COL25A1: variants seen among roughly 807,000 people sequenced by gnomAD.
The protein encoded by COL25A1 is collagen alpha-1(XXV) chain.
In COL25A1, 103 loss-of-function variants were observed where a neutral mutation model predicts 128.4. That is an observed-to-expected ratio of 0.80 (90% CI 0.68 to 0.94). The LOEUF is 0.94. Among genes scored for constraint, COL25A1 ranks in the 40% least tolerant of loss-of-function variants. COL25A1 has a pLI of 0.00. For synonymous variants in COL25A1, 279 were observed against 277.2 expected (o/e 1.01, Z -0.06); for missense variants, 745 against 840.0 (o/e 0.89, Z 1.40).
At chr4:109,064,373 C>A (rs1354942014) in intron 3 of COL25A1, among the ~76,000 whole-genome samples, 1 of 152,160 alleles carries the variant, frequency 6.6e-6, no homozygotes, top group Non-Finnish European at 1.5e-5. Context: ...CCATAGTATG[C>A]AAGTTTAGTT....
At chr4:108,864,562 G>A (rs566268388) in intron 20 of COL25A1, among the ~76,000 whole-genome samples, 1 of 152,302 alleles carries the variant, frequency 6.6e-6, no homozygotes, top group East Asian at 1.9e-4. Flanking sequence ...CTGTCCTCAA[G>A]GAGCTAGTGA....
intron 16 of COL25A1, among the ~76,000 whole-genome samples, chr4:108,894,280 T>C (rs2125852992): frequency 6.6e-6 from 1 of 152,262 alleles, no homozygotes; most frequent in South Asian, 2.1e-4. Context: ...ATTCCAAAAA[T>C]GAAACTTTAA....
intron 3 of COL25A1, among the ~76,000 whole-genome samples, chr4:109,225,512 T>C (rs1235875984): frequency 6.6e-6 from 1 of 152,060 alleles, no homozygotes; most frequent in African/African-American, 2.4e-5. Flanking sequence ...GGTGGGAAAA[T>C]TAGTACCGCC....
intron 20 of COL25A1, 33 bp downstream of exon 20, chr4:108,869,055 G>C: frequency 7.1e-7 from 1 of 1,414,526 alleles, no homozygotes; most frequent in South Asian, 1.2e-5. Flanking sequence ...GAAAGAAAAA[G>C]AAAGAAAGAA....
At chr4:109,056,284 T>C (rs547870332) in intron 3 of COL25A1, among the ~76,000 whole-genome samples, 1 of 152,218 alleles carries the variant, frequency 6.6e-6, no homozygotes, top group South Asian at 2.1e-4. Context: ...AGATTTTTAC[T>C]GTATTTTAGT....
chr4:108,977,889 T>A (rs370805567), intron 6 of COL25A1, among the ~76,000 whole-genome samples: 18 of 152,280 alleles, frequency 1.2e-4, no homozygotes, highest in African/African-American at 4.3e-4. Context: ...CCTTCCCAGG[T>A]TTCTCTTTAA....
chr4:109,212,686 G>A (rs1777673011), intron 3 of COL25A1, among the ~76,000 whole-genome samples: 1 of 152,144 alleles, frequency 6.6e-6, no homozygotes, highest in Admixed American at 6.6e-5. Context: ...AGGGGGAAAA[G>A]TAGTACCCAT....
At chr4:108,847,563 TAGA>T (rs1235244738) in intron 27 of COL25A1, among the ~76,000 whole-genome samples, 2 of 151,722 alleles carry the variant, frequency 1.3e-5, no homozygotes, top group East Asian at 1.9e-4. Flanking sequence ...TACTTAGTGA[TAGA>T]AGAAGACCTT....
Position 108,941,120 on chromosome 4 carries a change from A to T in COL25A1, c.564+246T>A, listed in dbSNP as rs1453233638. 2.6e-5 allele frequency among the ~76,000 whole-genome samples: 4 copies of T among 152,222 alleles called. No homozygotes were observed. In the East Asian group the frequency reaches 7.7e-4, roughly 29 times the overall value. ...GAGCTTAGAAACTGGATCTGTTAGT[A>T]GTTACAATTTATAATTTTTTAATTA... On this transcript the variant is annotated intron_variant, in intron 9 of 37. Transcript: ENST00000399132.
intron 3 of COL25A1, among the ~76,000 whole-genome samples, chr4:109,117,549 A>C (rs1467936710): frequency 1.3e-5 from 2 of 152,020 alleles, no homozygotes; most frequent in South Asian, 4.1e-4. Context: ...AGAAACTCAA[A>C]TCTCCACAAC....
At chr4:109,023,985 CG>C (rs1758001434) in intron 5 of COL25A1, among the ~76,000 whole-genome samples, 1 of 152,164 alleles carries the variant, frequency 6.6e-6, no homozygotes, top group Non-Finnish European at 1.5e-5. Context: ...TCAGGCCTAG[CG>C]GGCATTCTTC....
chr4:109,226,324 T>C lies in COL25A1; in HGVS notation c.367+74259A>G, dbSNP rs151309738. ...ACTAAAAGCTCAGACTTTACCACTGTACAATATATCCATGTGACAAAACTG... is the reference window on the plus strand; with the variant it reads ...ACTAAAAGCTCAGACTTTACCACTGCACAATATATCCATGTGACAAAACTG... On this transcript the variant is annotated intron_variant, in intron 3 of 37. Coordinates refer to ENST00000399132, the MANE Select transcript of COL25A1 (RefSeq NM_198721.4). 6.4e-3 allele frequency among the ~76,000 whole-genome samples: 971 copies of C among 152,276 alleles called. 35 individuals are homozygous for C. Among genetic ancestry groups the C allele is most frequent in the Admixed American group, 0.057 (864 of 15,286 alleles).
intron 3 of COL25A1, among the ~76,000 whole-genome samples, chr4:109,050,581 TAC>T (rs1760892259): frequency 6.6e-6 from 1 of 152,182 alleles, no homozygotes; most frequent in Non-Finnish European, 1.5e-5. Flanking sequence ...CCAAATGATT[TAC>T]AGTTTCTTTT....
At chr4:109,020,510 G>A (rs1486358841) in intron 5 of COL25A1, among the ~76,000 whole-genome samples, 1 of 91,208 alleles carries the variant, frequency 1.1e-5, no homozygotes, top group African/African-American at 5.5e-5. Flanking sequence ...TTATTATGGG[G>A]GGGGGGGGGT....
intron 8 of COL25A1, among the ~76,000 whole-genome samples, chr4:108,965,358 T>C (rs1000407354): frequency 2.0e-5 from 3 of 152,324 alleles, no homozygotes; most frequent in Admixed American, 2.0e-4. Flanking sequence ...CTCCTATTTA[T>C]CAGGACTCTG....
intron 3 of COL25A1, among the ~76,000 whole-genome samples, chr4:109,126,875 T>G (rs910650573): frequency 5.0e-4 from 76 of 152,126 alleles, no homozygotes; most frequent in African/African-American, 1.8e-3. Flanking sequence ...ACCGGCACAT[T>G]GTGCACATGT....
chr4:109,106,926 C>T (rs1766490852), intron 3 of COL25A1, among the ~76,000 whole-genome samples: 1 of 152,028 alleles, frequency 6.6e-6, no homozygotes, highest in Non-Finnish European at 1.5e-5. Flanking sequence ...GGCTACCTCG[C>T]TCTGCTAATT....
chr4:109,012,194 T>A (rs939485590), intron 5 of COL25A1, among the ~76,000 whole-genome samples: 24 of 152,312 alleles, frequency 1.6e-4, no homozygotes, highest in South Asian at 6.2e-4. Flanking sequence ...ATTAAAAAAA[T>A]TTTTTTGAGG....
intron 6 of COL25A1, among the ~76,000 whole-genome samples, chr4:109,001,424 G>GCTGAGATCCTGTCAGGTAGGCAGC: frequency 5.4e-5 from 1 of 18,414 alleles, no homozygotes; most frequent in South Asian, 2.4e-3. Context: ...CAGGTAGGCA[G>GCTGAGATCCTGTCAGGTAGGCAGC]TGAGCTAGAG....
Sources: gnomAD v4.1 joint callset for allele counts (sites outside exome capture counted in the v4.1 genomes callset) on GRCh38, gnomAD v4.1.1 for gene constraint, MANE v1.5 for transcripts, NCBI Gene and HGNC (gene_info 2026-07-23, HGNC 2026-07-21) for gene names.